CAST: variants seen among roughly 807,000 people sequenced by gnomAD.
CAST encodes calpastatin.
In CAST, 76 loss-of-function variants were observed where a neutral mutation model predicts 119.6. The ratio of observed to expected loss-of-function variants is 0.64; its 90% CI spans 0.53 to 0.77. The LOEUF (loss-of-function observed/expected upper bound fraction) is 0.77, where lower values mean the gene tolerates loss of function less well. Ranked by LOEUF, CAST falls within the 30% of genes least tolerant of loss-of-function variation. The pLI, the probability that CAST is intolerant of heterozygous loss-of-function variation, is 0.00. For synonymous variants in CAST, 319 were observed against 331.6 expected, an observed-to-expected ratio of 0.96 and a Z score of 0.41; for missense variants, 953 against 946.5, an observed-to-expected ratio of 1.01 and a Z score of -0.09.
At chr5:96,586,822 C>G (rs1206401105) in intron 1 of CAST, among the ~76,000 whole-genome samples, 1 of 152,196 alleles carries the variant, frequency 6.6e-6, no homozygotes, top group Non-Finnish European at 1.5e-5. Flanking sequence ...AATAATCTTA[C>G]TGTTTATCAG....
chr5:96,625,222 T>C (rs919743246), intron 1 of CAST, among the ~76,000 whole-genome samples: 29 of 152,202 alleles, frequency 1.9e-4, no homozygotes, highest in African/African-American at 6.3e-4. Flanking sequence ...CTAGTTAGTA[T>C]AGAGTGTGAC....
At chr5:96,043,518 T>G in the CAST span, among the ~76,000 whole-genome samples, 1 of 152,238 alleles carries the variant, frequency 6.6e-6, no homozygotes, top group Non-Finnish European at 1.5e-5. Context: ...GGGTGGTTCC[T>G]GGCTTAGTGG....
the CAST span, among the ~76,000 whole-genome samples, chr5:96,377,459 C>A: frequency 6.6e-6 from 1 of 152,008 alleles, no homozygotes; most frequent in Non-Finnish European, 1.5e-5. Context: ...TTAACCATGC[C>A]TTTTCTATAT....
At chr5:96,123,443 G>T in the CAST span, among the ~76,000 whole-genome samples, 2 of 152,064 alleles carry the variant, frequency 1.3e-5, no homozygotes, top group Non-Finnish European at 2.9e-5. Context: ...TTGATTGACA[G>T]GGTTAAAACA....
the CAST span, among the ~76,000 whole-genome samples, chr5:96,139,202 CTTA>C: frequency 6.6e-6 from 1 of 151,858 alleles, no homozygotes; most frequent in African/African-American, 2.4e-5. Context: ...ACATTTTATG[CTTA>C]TTTAGTTTAA....
chr5:96,412,752 G>GTTTTTTTTTTTTTGT, the CAST span, among the ~76,000 whole-genome samples: 35 of 71,832 alleles, frequency 4.9e-4, no homozygotes, highest in African/African-American at 2.9e-3. Flanking sequence ...CAGCTGTGAT[G>GTTTTTTTTTTTTTGT]TTTTTTTTTT....
the CAST span, among the ~76,000 whole-genome samples, chr5:96,455,598 T>C: frequency 1.3e-5 from 2 of 152,208 alleles, no homozygotes; most frequent in Non-Finnish European, 2.9e-5. Flanking sequence ...GGTGAGCATG[T>C]CTACAGCCTT....
chr5:96,106,210 G>A, the CAST span, among the ~76,000 whole-genome samples: 1 of 150,220 alleles, frequency 6.7e-6, no homozygotes, highest in African/African-American at 2.4e-5. Context: ...AATTTTTTGT[G>A]TCTCTATTTC....
intron 1 of CAST, among the ~76,000 whole-genome samples, chr5:96,568,075 T>G (rs544152792): frequency 7.9e-5 from 12 of 152,300 alleles, no homozygotes; most frequent in African/African-American, 2.9e-4. Context: ...ACTTTTTGAC[T>G]GAACAAAGGC....
intron 1 of CAST, among the ~76,000 whole-genome samples, chr5:96,637,080 G>A (rs78721774): frequency 0.021 from 3,227 of 152,334 alleles, 52 homozygotes; most frequent in Non-Finnish European, 0.033. Flanking sequence ...GGCTCAGCAT[G>A]AGGAGCAGCA....
At chr5:96,213,110 T>C in the CAST span, among the ~76,000 whole-genome samples, 1 of 151,602 alleles carries the variant, frequency 6.6e-6, no homozygotes, top group Non-Finnish European at 1.5e-5. Flanking sequence ...CAGAGTAATA[T>C]GCTATCTCTA....
chr5:96,054,023 GATATT>G, the CAST span, among the ~76,000 whole-genome samples: 3 of 152,084 alleles, frequency 2.0e-5, no homozygotes, highest in African/African-American at 7.2e-5. Flanking sequence ...GTTGACGTTT[GATATT>G]ATATTTCTTG....
At chr5:96,246,408 A>C in the CAST span, among the ~76,000 whole-genome samples, 2 of 151,816 alleles carry the variant, frequency 1.3e-5, no homozygotes, top group Non-Finnish European at 2.9e-5. Flanking sequence ...GATGGTCTCG[A>C]TTTCCTGACC....
chr5:96,679,468 C>A (rs1472400230), intron 2 of CAST: 1 of 152,170 alleles, frequency 6.6e-6, no homozygotes, highest in East Asian at 1.9e-4. Context: ...GCAATCAAAT[C>A]TATTTAAAGG....
the CAST span, among the ~76,000 whole-genome samples, chr5:96,429,853 G>A: frequency 6.6e-6 from 1 of 152,168 alleles, no homozygotes; most frequent in African/African-American, 2.4e-5. Flanking sequence ...TTAGCTCACA[G>A]TAGGAGGCTA....
the CAST span, among the ~76,000 whole-genome samples, chr5:96,103,169 A>G: frequency 6.6e-6 from 1 of 152,184 alleles, no homozygotes; most frequent in East Asian, 1.9e-4. Flanking sequence ...GTTAATGATT[A>G]AACATATTAT....
the CAST span, among the ~76,000 whole-genome samples, chr5:96,113,238 C>A: frequency 3.5e-3 from 532 of 152,236 alleles, 2 homozygotes; most frequent in African/African-American, 4.5e-3. Flanking sequence ...TGTCCTTCAC[C>A]TAAAATGCAC....
chr5:96,624,245 C>T (rs754868985), intron 1 of CAST, among the ~76,000 whole-genome samples: 4 of 152,164 alleles, frequency 2.6e-5, no homozygotes, highest in African/African-American at 4.8e-5. Flanking sequence ...GTTTTGTCTA[C>T]GCACACCTCA....
the CAST span, among the ~76,000 whole-genome samples, chr5:96,262,429 T>C: frequency 6.6e-6 from 1 of 152,222 alleles, no homozygotes; most frequent in African/African-American, 2.4e-5. Flanking sequence ...AAAATCAGGC[T>C]TTCATGCCCT....
Sources: allele counts gnomAD v4.1 joint callset (sites outside exome capture counted in the v4.1 genomes callset), GRCh38; gene constraint gnomAD v4.1.1; transcripts MANE v1.5; gene names NCBI Gene and HGNC (gene_info 2026-07-23, HGNC 2026-07-21).